CACNG6: variants seen among roughly 807,000 people sequenced by gnomAD.
CACNG6 encodes the protein voltage-dependent calcium channel gamma-6 subunit.
A neutral mutation model predicts 23.9 loss-of-function variants in CACNG6; 21 were observed. The ratio of observed to expected loss-of-function variants is 0.88; its 90% CI spans 0.62 to 1.26. CACNG6 has a LOEUF of 1.26. Among genes scored for constraint, CACNG6 ranks in the 50% most tolerant of loss-of-function variants. The pLI, the probability that CACNG6 is intolerant of heterozygous loss-of-function variation, is 0.00. For missense variants in CACNG6, 340 were observed against 352.9 expected (o/e 0.96, Z 0.29); for synonymous variants, 182 against 168.9 (o/e 1.08, Z -0.60).
In CACNG6 at chr19:53,998,162, C is replaced by T. The variant is rs2069539133; in HGVS notation, c.332-77C>T. ...TGTCCAAGTTTTAGGCTCCCGTGGG[C>T]TGTTAACTGTCCAGCCCTGAGCTTA... On this transcript the variant is annotated intron_variant, in intron 1 of 3. Transcript: ENST00000252729. 11 of 1,278,430 alleles carry T rather than the reference C, an allele frequency of 8.6e-6. No homozygotes were observed. In the South Asian group the frequency reaches 1.3e-4, roughly 16 times the overall value. 79.2% of individuals were successfully genotyped at this position (1,278,430 alleles called of 1,614,324 possible).
intron 3 of CACNG6, among the ~76,000 whole-genome samples, chr19:54,003,489 T>C (rs2069601632): frequency 6.6e-6 from 1 of 152,164 alleles, no homozygotes; most frequent in Non-Finnish European, 1.5e-5. Flanking sequence ...GCCTCGGAAG[T>C]AGCTGGGATT....
rs184184055 is a variant in CACNG6, at chr19:54,010,622, T to C, written c.545-1329T>C. Among the ~76,000 whole-genome samples, 270 of 152,296 alleles carry C rather than the reference T, an allele frequency of 1.8e-3. 1 individual carries two copies. The highest frequency in any genetic ancestry group is 5.8e-3 in the African/African-American group (241 of 41,568). ...TGGGATCTTGCTGTGTTGTCCAGGC[T>C]GGAGTGTACTGGTGTGATCACGGTT... On this transcript the variant is annotated intron_variant, in intron 3 of 3. Transcript: ENST00000252729.
Position 54,012,181 on chromosome 19 carries a change from G to A in CACNG6, c.775G>A (p.Ala259Thr), listed in dbSNP as rs200238789. 9.7e-6 allele frequency: 13 copies of A among 1,339,644 alleles called. No individual in the cohort carries two copies. The highest frequency in any genetic ancestry group is 1.5e-5 in the African/African-American group (1 of 66,572). 83.0% of individuals were successfully genotyped at this position (1,339,644 alleles called of 1,614,324 possible). The change falls in exon 4 of 4, where the codon GCC (alanine) becomes ACC (threonine). Residue 259 changes from alanine (A) to threonine (T), a missense_variant. By Grantham distance (58) the Ala-to-Thr change is moderately conservative (BLOSUM62 0). Transcript: ENST00000252729. Reference protein sequence around the residue: ...GSLCPKRGHRAT With the variant: ...GSLCPKRGHRTT ...CCTCTGTCCCAAGCGGGGGCACCGGGCCACCTAGAGCCACGCGTGAGACTT... is the reference window on the plus strand; with the variant it reads ...CCTCTGTCCCAAGCGGGGGCACCGGACCACCTAGAGCCACGCGTGAGACTT...
intron 2 of CACNG6, 93 bp from the exon 3 acceptor site, chr19:53,999,541 C>T: frequency 1.4e-6 from 2 of 1,441,252 alleles, no homozygotes; most frequent in Non-Finnish European, 1.9e-6. Context: ...CGTCCCGAAT[C>T]TTACATCTTC....
At chr19:53,998,814 C>T (rs963342997) in intron 2 of CACNG6, among the ~76,000 whole-genome samples, 1 of 151,226 alleles carries the variant, frequency 6.6e-6, no homozygotes, top group South Asian at 2.1e-4. Flanking sequence ...CCTAGCTGTG[C>T]CTAGAGCTCT....
intron 3 of CACNG6, among the ~76,000 whole-genome samples, chr19:54,001,308 C>G (rs1055689014): frequency 4.0e-5 from 6 of 151,838 alleles, no homozygotes; most frequent in Non-Finnish European, 8.8e-5. Flanking sequence ...CCTGACTCAG[C>G]CTCCCAAGTA....
chr19:53,998,712 A>G (rs530956003), intron 2 of CACNG6, among the ~76,000 whole-genome samples: 5 of 152,102 alleles, frequency 3.3e-5, no homozygotes, highest in Non-Finnish European at 5.9e-5. Flanking sequence ...GGGTTTCACC[A>G]TGTTGACCAG....
chr19:53,993,180 C>T lies in CACNG6; in HGVS notation c.303C>T (p.Asp101=), dbSNP rs2069483851. ...LWQADVPVDR[D]TCGPAELPGE... ...AGGCGGACGTGCCCGTGGACAGGGA[C>T]ACCTGCGGCCCCGCGGAGCTGCCCG... is the stretch of plus-strand genomic sequence containing the variant. Residue 101 remains aspartate, a synonymous_variant, in exon 1 of 4, where the codon GAC becomes GAT. Coordinates refer to ENST00000252729, the MANE Select transcript of CACNG6 (RefSeq NM_145814.2). 2 of 1,542,812 alleles carry T rather than the reference C, an allele frequency of 1.3e-6. No individual in the cohort carries two copies. Among genetic ancestry groups the T allele is most frequent in the African/African-American group, 2.7e-5 (2 of 73,044 alleles).
chr19:54,012,282 C>G lies in CACNG6; in HGVS notation c.*93C>G, dbSNP rs989035958. On this transcript the variant is annotated 3_prime_UTR_variant, in exon 4 of 4. Coordinates refer to ENST00000252729, the MANE Select transcript of CACNG6 (RefSeq NM_145814.2). Reference sequence around the variant, plus strand: ...CTTTTTGCCCCATCTCCTAGAGAAACTGTGTTCTCCCTGCTCGGGGGCCCA... The same window carrying G: ...CTTTTTGCCCCATCTCCTAGAGAAAGTGTGTTCTCCCTGCTCGGGGGCCCA... 1.8e-6 allele frequency: 1 copy of G among 549,370 alleles called. No individual in the cohort carries two copies. The highest frequency in any genetic ancestry group is 3.0e-6 in the Non-Finnish European group (1 of 328,428). The allele number at this position is 549,370 out of a possible 1,614,324, so 34.0% of individuals were successfully genotyped here. A position where few individuals can be genotyped will look rare whatever the true frequency, so the allele number is the denominator to read the frequency against.
intron 3 of CACNG6, among the ~76,000 whole-genome samples, chr19:54,009,232 C>G (rs915556049): frequency 1.3e-5 from 2 of 152,042 alleles, no homozygotes; most frequent in African/African-American, 4.8e-5. Flanking sequence ...ACCAGCCTGG[C>G]CAACGTGGTG....
intron 1 of CACNG6, among the ~76,000 whole-genome samples, chr19:53,995,775 CCT>C (rs1301881198): frequency 6.6e-6 from 1 of 152,242 alleles, no homozygotes; most frequent in Non-Finnish European, 1.5e-5. Flanking sequence ...AATTCTCCTG[CCT>C]CTGTCTCCCA....
intron 3 of CACNG6, among the ~76,000 whole-genome samples, chr19:54,011,205 A>AAATATATATATAT (rs58054808): frequency 9.8e-6 from 1 of 102,506 alleles, no homozygotes; most frequent in African/African-American, 4.9e-5. Flanking sequence ...AAAAAAAAAA[A>AAATATATATATAT]ATATATATAT....
At chr19:54,005,612 G>T (rs927938469) in intron 3 of CACNG6, among the ~76,000 whole-genome samples, 1 of 151,710 alleles carries the variant, frequency 6.6e-6, no homozygotes, top group Non-Finnish European at 1.5e-5. Flanking sequence ...AAATTAGGCG[G>T]GCATGGTGGT....
At chr19:53,998,415 G>T (rs1397026777) in intron 2 of CACNG6, 102 bp downstream of exon 2, 2 of 1,031,670 alleles carry the variant, frequency 1.9e-6, no homozygotes, top group Non-Finnish European at 2.9e-6. Flanking sequence ...TTACCCCAGG[G>T]CAGGTCTCGT....
At chr19:54,004,367 G>T (rs2069615242) in intron 3 of CACNG6, among the ~76,000 whole-genome samples, 2 of 148,154 alleles carry the variant, frequency 1.3e-5, no homozygotes, top group African/African-American at 2.5e-5. Flanking sequence ...GTGTGTGTGT[G>T]TGTGTGTGTG....
chr19:54,002,055 C>G (rs1257301840), intron 3 of CACNG6, among the ~76,000 whole-genome samples: 2 of 151,836 alleles, frequency 1.3e-5, no homozygotes, highest in Non-Finnish European at 2.9e-5. Flanking sequence ...TCCTTCCCCT[C>G]TCTCTCTTTC....
intron 3 of CACNG6, among the ~76,000 whole-genome samples, chr19:54,011,190 TAA>T (rs142489178): frequency 2.2e-3 from 132 of 59,194 alleles, no homozygotes; most frequent in South Asian, 0.014. Context: ...CCGTCTCTAC[TAA>T]AAAAAAAAAA....
At position 53,992,805 on chromosome 19, in the gene CACNG6, C is replaced by G; in HGVS notation, c.-73C>G. ...TCACCCCCTTCAAGACCCCAGGCCG[C>G]TCCTCGCTCCCGCCCCTCGAGGCCC... is the stretch of plus-strand genomic sequence containing the variant. On this transcript the variant is annotated 5_prime_UTR_variant, in exon 1 of 4. Transcript: ENST00000252729. The surrounding 1 kb of genome is among the most constrained non-coding windows in gnomAD (Gnocchi z 4.1). 9.1e-7 allele frequency: 1 copy of G among 1,098,124 alleles called. No homozygotes were observed. Among genetic ancestry groups the G allele is most frequent in the African/African-American group, 1.6e-5 (1 of 61,572 alleles). The allele number at this position is 1,098,124 out of a possible 1,614,324, so 68.0% of individuals were successfully genotyped here.
At chr19:54,000,871 C>T (rs937301536) in intron 3 of CACNG6, among the ~76,000 whole-genome samples, 17 of 152,292 alleles carry the variant, frequency 1.1e-4, no homozygotes, top group Middle Eastern at 3.4e-3. Flanking sequence ...TGAGCCACCA[C>T]ACACAGCTTC....
Sources: allele counts gnomAD v4.1 joint callset (sites outside exome capture counted in the v4.1 genomes callset), GRCh38; gene constraint gnomAD v4.1.1; non-coding constraint Gnocchi (gnomAD v3.1); transcripts MANE v1.5; gene names NCBI Gene and HGNC (gene_info 2026-07-23, HGNC 2026-07-21).